The following EXD1 variants were observed in gnomAD, a reference collection of about 807,000 sequenced individuals.
EXD1 encodes exonuclease 3'-5' domain containing 1.
In EXD1, 63 loss-of-function variants were observed where a neutral mutation model predicts 49.1. The observed-to-expected ratio is 1.28, with a 90% CI of 1.05 to 1.58. The LOEUF is 1.58. Ranked by LOEUF, EXD1 falls within the 40% of genes most tolerant of loss-of-function variation. EXD1 has a pLI of 0.00. For missense variants in EXD1, 748 were observed against 666.0 expected, an observed-to-expected ratio of 1.12 and a Z score of -1.36; for synonymous variants, 234 against 239.2, an observed-to-expected ratio of 0.98 and a Z score of 0.20.
At chr15:41,203,259 C>G (rs1004702143) in intron 7 of EXD1, among the ~76,000 whole-genome samples, 4 of 152,060 alleles carry the variant, frequency 2.6e-5, no homozygotes, top group Non-Finnish European at 5.9e-5. Context: ...AAGTAATCCT[C>G]CCCCATTCCT....
intron 1 of EXD1, among the ~76,000 whole-genome samples, chr15:41,229,769 AAAC>A (rs150026444): frequency 1.3e-4 from 19 of 151,716 alleles, no homozygotes; most frequent in South Asian, 4.2e-4. Context: ...ACTCCGTCTC[AAAC>A]AACAACAACA....
At chr15:41,208,786 C>G (rs2046874655) in intron 7 of EXD1, among the ~76,000 whole-genome samples, 1 of 151,884 alleles carries the variant, frequency 6.6e-6, no homozygotes, top group African/African-American at 2.4e-5. Context: ...AATAGAGACT[C>G]TCATTTAATA....
At chr15:41,203,982 A>G (rs1280472874) in intron 7 of EXD1, among the ~76,000 whole-genome samples, 1 of 145,534 alleles carries the variant, frequency 6.9e-6, no homozygotes, top group Non-Finnish European at 1.5e-5. Context: ...GCGGTGGCTC[A>G]CACCTGTAAT....
At chr15:41,216,919 A>C in intron 4 of EXD1, 124 bp from the exon 5 acceptor site, 1 of 1,437,000 alleles carries the variant, frequency 7.0e-7, no homozygotes, top group Non-Finnish European at 9.4e-7. Flanking sequence ...CCATTCATCC[A>C]CTGCTTACAT....
Position 41,189,641 on chromosome 15 carries a change from C to T in EXD1, c.1056+296G>A, listed in dbSNP as rs540402582. ...TCATGTCATTGCACTCCAGCCTGGG[C>T]GACAGAGTGAGACTCTGTCTCAAAA... On this transcript the variant is annotated intron_variant, in intron 11 of 11. Coordinates refer to ENST00000458580, the MANE Select transcript of EXD1 (RefSeq NM_001286441.2). Among the ~76,000 whole-genome samples the T allele has an allele frequency of 5.3e-5, 8 of 150,578 alleles. No homozygotes were observed. In the South Asian group the frequency reaches 6.3e-4, roughly 12 times the overall value.
At position 41,184,603 on chromosome 15, in the gene EXD1, G is replaced by C; in HGVS notation, c.1057-10C>G. The C allele has an allele frequency of 6.4e-7, 1 of 1,555,468 alleles. No individual in the cohort carries two copies. The highest frequency in any genetic ancestry group is 8.6e-7 in the Non-Finnish European group (1 of 1,156,718). ...GCTCCATACATGTAGGCTAAGAAGA[G>C]AAAGCGAACACAAGTTTATTATAAC... is the stretch of plus-strand genomic sequence containing the variant. On this transcript the variant is annotated splice_polypyrimidine_tract_variant and intron_variant, in intron 11 of 11. Coordinates refer to ENST00000458580, the MANE Select transcript of EXD1 (RefSeq NM_001286441.2).
chr15:41,217,349 A>G (rs2047016220), intron 3 of EXD1, among the ~76,000 whole-genome samples, 195 bp from the exon 4 acceptor site: 1 of 152,168 alleles, frequency 6.6e-6, no homozygotes, highest in African/African-American at 2.4e-5. Flanking sequence ...GACTCTCAGT[A>G]TTCTATCCCT....
At position 41,195,808 on chromosome 15, in the gene EXD1, A is replaced by G. The variant is rs758700791; in HGVS notation, c.687T>C (p.Tyr229=). The G allele has an allele frequency of 2.5e-6, 4 of 1,613,758 alleles. No homozygotes were observed. The highest frequency in any genetic ancestry group is 3.3e-5 in the Admixed American group (2 of 59,894). The change falls in exon 9 of 12, where the codon TAT becomes TAC. Residue 229 remains tyrosine, a synonymous_variant. Transcript: ENST00000458580. ...RWLSDCLSHQ[Y]GILLNNVFDT... ...CAAAGACATTATTCAGCAAAATTCC[A>G]TACTGATGAGAGAGGCAATCAGAAA...
At chr15:41,209,674 G>A in intron 6 of EXD1, 87 bp from the exon 7 acceptor site, 2 of 1,151,242 alleles carry the variant, frequency 1.7e-6, no homozygotes, top group Non-Finnish European at 2.6e-6. Context: ...ACAATGGTCA[G>A]CAGTAAACAA....
chr15:41,195,701 A>G (rs2046598200), intron 9 of EXD1, 74 bp downstream of exon 9: 5 of 1,122,912 alleles, frequency 4.5e-6, no homozygotes, highest in Non-Finnish European at 6.1e-6. Context: ...TTCACTCATC[A>G]GATGACCAGA....
At chr15:41,186,756 C>T (rs1369310552) in intron 11 of EXD1, among the ~76,000 whole-genome samples, 1 of 151,744 alleles carries the variant, frequency 6.6e-6, no homozygotes, top group Non-Finnish European at 1.5e-5. Context: ...AAGGGACATA[C>T]ATTTCATCCA....
intron 10 of EXD1, 181 bp from the exon 11 acceptor site, chr15:41,190,309 C>T (rs1445607053): frequency 3.5e-6 from 2 of 566,492 alleles, no homozygotes; most frequent in South Asian, 1.9e-5. Flanking sequence ...CCCATCTCTA[C>T]TAAAAATACA....
At chr15:41,215,231 T>C (rs2046981939) in intron 6 of EXD1, among the ~76,000 whole-genome samples, 1 of 152,232 alleles carries the variant, frequency 6.6e-6, no homozygotes, top group Non-Finnish European at 1.5e-5. Context: ...TAAAAGCACT[T>C]GTTTATTGTC....
chr15:41,198,402 A>C (rs1448599044), intron 7 of EXD1, among the ~76,000 whole-genome samples: 1 of 152,134 alleles, frequency 6.6e-6, no homozygotes. Context: ...TAAAAACCCC[A>C]AAGGGAGGCT....
At chr15:41,194,609 C>G (rs944650228) in intron 9 of EXD1, among the ~76,000 whole-genome samples, 2 of 152,172 alleles carry the variant, frequency 1.3e-5, no homozygotes, top group Admixed American at 1.3e-4. Flanking sequence ...TTTTAGGCCA[C>G]TAAATTTGTG....
intron 6 of EXD1, 116 bp downstream of exon 6, chr15:41,215,659 C>A: frequency 9.4e-7 from 1 of 1,065,034 alleles, no homozygotes; most frequent in Non-Finnish European, 1.4e-6. Context: ...GCACTCCAAC[C>A]TGGGCGATAG....
intron 11 of EXD1, among the ~76,000 whole-genome samples, chr15:41,188,412 A>G (rs1259469560): frequency 7.2e-6 from 1 of 138,902 alleles, no homozygotes; most frequent in African/African-American, 2.7e-5. Flanking sequence ...TTTCTTTTTC[A>G]GACAGAGTTT....
intron 2 of EXD1, among the ~76,000 whole-genome samples, chr15:41,220,740 G>A (rs551325913): frequency 1.3e-5 from 2 of 152,256 alleles, no homozygotes; most frequent in South Asian, 2.1e-4. Flanking sequence ...GTTCATAGCA[G>A]CTGTCTTTTT....
At chr15:41,192,943 C>T (rs2046551226) in intron 9 of EXD1, among the ~76,000 whole-genome samples, 1 of 151,780 alleles carries the variant, frequency 6.6e-6, no homozygotes, top group Non-Finnish European at 1.5e-5. Context: ...ACTACAGGCG[C>T]CCGCCACCAC....
Sources: gnomAD v4.1 joint callset for allele counts (sites outside exome capture counted in the v4.1 genomes callset) on GRCh38, gnomAD v4.1.1 for gene constraint, MANE v1.5 for transcripts, NCBI Gene and HGNC (gene_info 2026-07-23, HGNC 2026-07-21) for gene names.